Variants in DST observed in about 807,000 individuals in gnomAD.
DST encodes bullous pemphigoid antigen.
A neutral mutation model predicts 875.2 loss-of-function variants in DST; 253 were observed. The observed-to-expected ratio is 0.29, with a 90% CI of 0.26 to 0.32. The LOEUF is 0.32. Among genes scored for constraint, DST ranks in the 10% least tolerant of loss-of-function variants. DST has a pLI of 1.00. For synonymous variants in DST, 3,124 were observed against 3,197.1 expected (o/e 0.98, Z 0.77); for missense variants, 8,287 against 9,111.6 (o/e 0.91, Z 3.68).
At chr6:56,509,921 C>A (rs748449242) in intron 73 of DST, 48 bp from the exon 74 acceptor site, 45 of 1,362,166 alleles carry the variant, frequency 3.3e-5, no homozygotes, top group Non-Finnish European at 3.9e-5. Flanking sequence ...ATCTGTAATA[C>A]CAAGTGTGAA....
chr6:56,546,898 G>C (rs950210052), intron 61 of DST, among the ~76,000 whole-genome samples: 17 of 152,096 alleles, frequency 1.1e-4, no homozygotes, highest in African/African-American at 3.1e-4. Context: ...TGTTTTATTG[G>C]ATCACTCTAA....
chr6:56,744,446 C>A (rs1382971073), intron 4 of DST, among the ~76,000 whole-genome samples: 1 of 151,242 alleles, frequency 6.6e-6, no homozygotes, highest in Non-Finnish European at 1.5e-5. Context: ...GAAGAAAGGA[C>A]GCTAGTCAGT....
chr6:56,595,962 G>A (rs747930334), intron 47 of DST, among the ~76,000 whole-genome samples: 4 of 151,932 alleles, frequency 2.6e-5, no homozygotes, highest in Non-Finnish European at 5.9e-5. Flanking sequence ...CCTGGCTCAG[G>A]TGCTTTGGCC....
rs9396232 is a variant in DST, at chr6:56,704,460, C to T, written c.688-91G>A. 1,175 of 624,086 alleles carry T rather than the reference C, an allele frequency of 1.9e-3. 22 individuals carry two copies. In the East Asian group the frequency reaches 0.029, roughly 16 times the overall value. 38.7% of individuals were successfully genotyped at this position (624,086 alleles called of 1,614,324 possible). Reference sequence around the variant, plus strand: ...AAAAAGGAGACAAGTAGAAAACATTCCTCACATGGTATTCATTCATGCACC... The same window carrying T: ...AAAAAGGAGACAAGTAGAAAACATTTCTCACATGGTATTCATTCATGCACC... On this transcript the variant is annotated intron_variant, in intron 5 of 103. Transcript: ENST00000680361.
Position 56,620,043 on chromosome 6 carries a change from TA to T in DST, c.4929+4486del, listed in dbSNP as rs773106732. The T allele has an allele frequency of 6.2e-6, 10 of 1,613,904 alleles. No individual in the cohort carries two copies. The highest frequency in any genetic ancestry group is 6.8e-6 in the Non-Finnish European group (8 of 1,180,040). On this transcript the variant is annotated intron_variant, in intron 36 of 103. Coordinates refer to ENST00000680361, the MANE Select transcript of DST (RefSeq NM_001374736.1). ...GGACACACTGGCAATGCATTTTCTCTACATGTATACTGAATTTCAGTTATTT... is the reference window on the plus strand; with the variant it reads ...GGACACACTGGCAATGCATTTTCTCTCATGTATACTGAATTTCAGTTATTT...
intron 3 of DST, among the ~76,000 whole-genome samples, chr6:56,883,253 G>T (rs961172178): frequency 3.9e-5 from 6 of 151,994 alleles, no homozygotes; most frequent in African/African-American, 1.4e-4. Context: ...CAGTAGTCTT[G>T]CGGGAAAAAA....
At chr6:56,617,883 T>C (rs2098643196) in intron 36 of DST, 8 of 959,658 alleles carry the variant, frequency 8.3e-6, no homozygotes, top group South Asian at 5.3e-5. Flanking sequence ...AATGAGCCAA[T>C]CACATTCAAA....
At chr6:56,487,781 A>T (rs1374505564) in intron 86 of DST, among the ~76,000 whole-genome samples, 1 of 152,176 alleles carries the variant, frequency 6.6e-6, no homozygotes, top group East Asian at 1.9e-4. Flanking sequence ...AAAGAATGAG[A>T]TAACTGTTAC....
intron 5 of DST, among the ~76,000 whole-genome samples, chr6:56,729,598 A>G (rs1238589453): frequency 6.8e-6 from 1 of 146,384 alleles, no homozygotes; most frequent in Non-Finnish European, 1.5e-5. Context: ...CAAGAGCAAA[A>G]CTCCATCTCA....
rs1824297803 is a variant in DST at position 56,954,625 on chromosome 6, G to A, written c.-38C>T. ...GCGAGGGCGACTCGACGGCGGGGCT[G>A]GAGGGCGGCGGCACAGGCACCCGCG... is the stretch of plus-strand genomic sequence containing the variant. On this transcript the variant is annotated 5_prime_UTR_variant, in exon 1 of 104. Coordinates refer to ENST00000680361, the MANE Select transcript of DST (RefSeq NM_001374736.1). 4 of 1,283,730 alleles carry A rather than the reference G, an allele frequency of 3.1e-6. No homozygotes were observed. The highest frequency in any genetic ancestry group is 4.1e-6 in the Non-Finnish European group (4 of 982,084). The allele number at this position is 1,283,730 out of a possible 1,614,324, so 79.5% of individuals were successfully genotyped here.
intron 5 of DST, among the ~76,000 whole-genome samples, chr6:56,717,447 A>ACTAATTCAC (rs2099399435): frequency 6.6e-6 from 1 of 152,050 alleles, no homozygotes; most frequent in South Asian, 2.1e-4. Context: ...CCCAAATTCA[A>ACTAATTCAC]CTAACTGCCT....
At chr6:56,545,103 C>G (rs530210059) in intron 61 of DST, among the ~76,000 whole-genome samples, 1 of 152,092 alleles carries the variant, frequency 6.6e-6, no homozygotes, top group Admixed American at 6.6e-5. Flanking sequence ...GCCTTGACCT[C>G]TCGGGCTCAT....
At position 56,596,985 on chromosome 6, in the gene DST, G is replaced by C. The variant is rs567032349; in HGVS notation, c.12195+755C>G. On this transcript the variant is annotated intron_variant, in intron 47 of 103. Coordinates refer to ENST00000680361, the MANE Select transcript of DST (RefSeq NM_001374736.1). The stretch of plus-strand genomic sequence containing the variant: ...AGCCTGGACACAGTGGCTCATGCCT[G>C]TAATCTCACCACTTTGGGAGGATGT... Among the ~76,000 whole-genome samples, 6 of 152,308 alleles carry C rather than the reference G, an allele frequency of 3.9e-5. No homozygotes were observed. The East Asian group carries it at 1.2e-3, about 29-fold the overall frequency.
In DST at chr6:56,738,008, T is replaced by C. The variant is rs547717062; in HGVS notation, c.626-2719A>G. 3.3e-5 allele frequency among the ~76,000 whole-genome samples: 5 copies of C among 152,360 alleles called. No homozygotes were observed. In the South Asian group the frequency reaches 8.3e-4, roughly 25 times the overall value. ...AACTTGTTGTAAGACTACTCAGTGA[T>C]AGTATTATCATTTAGAGTTCTCCTA... On this transcript the variant is annotated intron_variant, in intron 4 of 103. Coordinates refer to ENST00000680361, the MANE Select transcript of DST (RefSeq NM_001374736.1).
At chr6:56,621,839 T>C (rs1014588911) in intron 36 of DST, among the ~76,000 whole-genome samples, 1 of 152,218 alleles carries the variant, frequency 6.6e-6, no homozygotes, top group East Asian at 1.9e-4. Context: ...TTGAGAAGCT[T>C]TGGTGAATTT....
chr6:56,639,480 G>T lies in DST; in HGVS notation c.2829C>A (p.Thr943=). 1 of 1,613,674 alleles carries T rather than the reference G, an allele frequency of 6.2e-7. No individual in the cohort carries two copies. The highest frequency in any genetic ancestry group is 8.5e-7 in the Non-Finnish European group (1 of 1,179,842). Reference sequence around the variant, plus strand: ...GATAATCTTTTTTCCTAGCTATGTTGGTGTTTCTCTCACTCCAGTCATAAG... The same window carrying T: ...GATAATCTTTTTTCCTAGCTATGTTTGTGTTTCTCTCACTCCAGTCATAAG... ...EVAYDWSERN[T]NIARKKDYHA... Residue 943 remains threonine, a synonymous_variant, in exon 21 of 104, where the codon ACC becomes ACA. Coordinates refer to ENST00000680361, the MANE Select transcript of DST (RefSeq NM_001374736.1).
chr6:56,933,415 G>A (rs965615557), intron 2 of DST, among the ~76,000 whole-genome samples: 1 of 152,190 alleles, frequency 6.6e-6, no homozygotes, highest in Non-Finnish European at 1.5e-5. Flanking sequence ...TTCAGCATAA[G>A]CTGCACTATT....
intron 3 of DST, among the ~76,000 whole-genome samples, chr6:56,884,477 T>C (rs189853215): frequency 7.2e-5 from 11 of 152,300 alleles, no homozygotes; most frequent in Non-Finnish European, 1.2e-4. Context: ...AAGAATACTT[T>C]ATAAGTATTT....
chr6:56,483,557 T>TC (rs1418967884), intron 88 of DST: 1 of 116,186 alleles, frequency 8.6e-6, no homozygotes, highest in African/African-American at 3.3e-5. Flanking sequence ...TTTTTTTTTT[T>TC]CCTGCCTAAT....
Sources: gnomAD v4.1 joint callset for allele counts (sites outside exome capture counted in the v4.1 genomes callset) on GRCh38, gnomAD v4.1.1 for gene constraint, MANE v1.5 for transcripts, NCBI Gene and HGNC (gene_info 2026-07-23, HGNC 2026-07-21) for gene names.